The following EXOSC2 variants were observed in gnomAD, a reference collection of about 807,000 sequenced individuals.
The protein encoded by EXOSC2 is exosome component 2.
Under a neutral mutation model 37.6 loss-of-function variants are expected in EXOSC2, and 29 were observed. The ratio of observed to expected loss-of-function variants is 0.77; its 90% CI spans 0.57 to 1.05. The LOEUF (loss-of-function observed/expected upper bound fraction) is 1.05, where lower values mean the gene tolerates loss of function less well. Among genes scored for constraint, EXOSC2 ranks in the 50% least tolerant of loss-of-function variants. The pLI, the probability that EXOSC2 is intolerant of heterozygous loss-of-function variation, is 0.00. For synonymous variants in EXOSC2, 119 were observed against 131.1 expected, an observed-to-expected ratio of 0.91 and a Z score of 0.63; for missense variants, 346 against 365.6, an observed-to-expected ratio of 0.95 and a Z score of 0.44.
At chr9:130,695,648 G>C in intron 2 of EXOSC2, 55 bp downstream of exon 2, 1 of 1,507,162 alleles carries the variant, frequency 6.6e-7, no homozygotes, top group Admixed American at 1.7e-5. Flanking sequence ...GTACAACCAG[G>C]CTTTTCCTGC....
rs1228070021 is a variant in EXOSC2 at position 130,694,291 on chromosome 9, T to C, written c.122+378T>C. ...ACGGTGGGCGTTCTTGGCTGCCTCC[T>C]CTTCAGTTTAGAATCCGTAATTGTT... On this transcript the variant is annotated intron_variant, in intron 1 of 8. Coordinates refer to ENST00000372358, the MANE Select transcript of EXOSC2 (RefSeq NM_014285.7). The surrounding 1 kb of genome is among the most constrained non-coding windows in gnomAD (Gnocchi z 4.0). Among the ~76,000 whole-genome samples the C allele has an allele frequency of 6.6e-6, 1 of 152,112 alleles. No homozygotes were observed. Among genetic ancestry groups the C allele is most frequent in the African/African-American group, 2.4e-5 (1 of 41,418 alleles).
rs1175289362 is a variant in EXOSC2, at chr9:130,700,856, AC to A, written c.427-8del. 1 of 1,613,642 alleles carries A rather than the reference AC, an allele frequency of 6.2e-7. No individual in the cohort carries two copies. Among genetic ancestry groups the A allele is most frequent in the South Asian group, 1.1e-5 (1 of 91,046 alleles). Reference sequence around the variant, plus strand: ...CAAGGCTGCTGTTTGTTCCTTCATCACCCTGGCCAGGCTGAGGTCCAGGCAG... The same window carrying A: ...CAAGGCTGCTGTTTGTTCCTTCATCACCTGGCCAGGCTGAGGTCCAGGCAG... On this transcript the variant is annotated splice_polypyrimidine_tract_variant and intron_variant, in intron 5 of 8. Transcript: ENST00000372358.
chr9:130,695,345 G>C (rs1353736784), intron 1 of EXOSC2, 147 bp from the exon 2 acceptor site: 1 of 678,140 alleles, frequency 1.5e-6, no homozygotes, highest in Non-Finnish European at 2.7e-6. Flanking sequence ...TGGAGAAGGA[G>C]CACTGAAGGC....
At chr9:130,703,650 A>G in intron 8 of EXOSC2, 44 bp from the exon 9 acceptor site, 2 of 1,508,280 alleles carry the variant, frequency 1.3e-6, no homozygotes, top group South Asian at 1.2e-5. Context: ...TGGTCTGTTT[A>G]TGGTTGGTTT....
At position 130,703,725 on chromosome 9, in the gene EXOSC2, A is replaced by G. The variant is rs1261986083; in HGVS notation, c.833A>G (p.Glu278Gly). The G allele has an allele frequency of 3.1e-6, 5 of 1,613,830 alleles. No individual in the cohort carries two copies. In the South Asian group the frequency reaches 5.5e-5, roughly 18 times the overall value. ...GACATCTTAAAGCCAGAAATAATGG[A>G]GGAGATTGTGATGGAAACACGCCAG... ...IKDILKPEIM[E>G]EIVMETRQRL... Residue 278 changes from glutamate (E) to glycine (G), a missense_variant, in exon 9 of 9, where the codon GAG becomes GGG. By Grantham distance (98) the Glu-to-Gly change is moderately conservative (BLOSUM62 -2). Coordinates refer to ENST00000372358, the MANE Select transcript of EXOSC2 (RefSeq NM_014285.7).
chr9:130,695,343 G>C lies in EXOSC2; in HGVS notation c.123-149G>C. On this transcript the variant is annotated intron_variant, in intron 1 of 8. Coordinates refer to ENST00000372358, the MANE Select transcript of EXOSC2 (RefSeq NM_014285.7). Reference sequence around the variant, plus strand: ...ATGTCCAAGTAGCTGTCTGGAGAAGGAGCACTGAAGGCAGAGGGAGCAGCC... The same window carrying C: ...ATGTCCAAGTAGCTGTCTGGAGAAGCAGCACTGAAGGCAGAGGGAGCAGCC... 5 of 672,206 alleles carry C rather than the reference G, an allele frequency of 7.4e-6. No homozygotes were observed. The South Asian group carries it at 8.4e-5, about 11-fold the overall frequency. 41.6% of individuals were successfully genotyped at this position (672,206 alleles called of 1,614,324 possible). A position where few individuals can be genotyped will look rare whatever the true frequency, so the allele number is the denominator to read the frequency against.
chr9:130,700,720 G>A, intron 5 of EXOSC2, 147 bp from the exon 6 acceptor site: 1 of 653,846 alleles, frequency 1.5e-6, no homozygotes, highest in Non-Finnish European at 2.7e-6. Context: ...TAAGGTCACA[G>A]TGATGTGCTC....
At chr9:130,696,061 C>T (rs1393196754) in intron 2 of EXOSC2, among the ~76,000 whole-genome samples, 1 of 151,974 alleles carries the variant, frequency 6.6e-6, no homozygotes, top group Non-Finnish European at 1.5e-5. Flanking sequence ...CAGGGTTTCA[C>T]CATGTTGGCC....
intron 8 of EXOSC2, among the ~76,000 whole-genome samples, chr9:130,703,430 G>A (rs911451796): frequency 6.6e-6 from 1 of 152,178 alleles, no homozygotes; most frequent in Admixed American, 6.6e-5. Context: ...AGCAACCTCT[G>A]GACTACATCT....
chr9:130,700,981 G>A, intron 6 of EXOSC2, 46 bp downstream of exon 6: 1 of 1,592,562 alleles, frequency 6.3e-7, no homozygotes, highest in Non-Finnish European at 8.6e-7. Context: ...GAGACTACAA[G>A]GCTATTTTTG....
chr9:130,698,521 C>T lies in EXOSC2; in HGVS notation c.360+270C>T, dbSNP rs902357040. Among the ~76,000 whole-genome samples, 3 of 152,186 alleles carry T rather than the reference C, an allele frequency of 2.0e-5. No homozygotes were observed. The highest frequency in any genetic ancestry group is 7.2e-5 in the African/African-American group (3 of 41,442). ...AGTTGGGGAGAGAAGCCCTTAGATG[C>T]TGGTTGTTAACAGTTTTCCTTTTTG... On this transcript the variant is annotated intron_variant, in intron 4 of 8. Coordinates refer to ENST00000372358, the MANE Select transcript of EXOSC2 (RefSeq NM_014285.7). This position sits in a 1 kb window ranked among gnomAD's most constrained non-coding sequence, Gnocchi z 4.1.
In EXOSC2 at chr9:130,694,161, G is replaced by T. The variant is rs1274487325; in HGVS notation, c.122+248G>T. Among the ~76,000 whole-genome samples, 1 of 152,046 alleles carries T rather than the reference G, an allele frequency of 6.6e-6. No individual in the cohort carries two copies. Among genetic ancestry groups the T allele is most frequent in the Non-Finnish European group, 1.5e-5 (1 of 68,014 alleles). Reference sequence around the variant, plus strand: ...GACCTCCGGTGGCTGTGACTTTTGGGTCTTCTGCCTGAAGTCCAAATCTTT... The same window carrying T: ...GACCTCCGGTGGCTGTGACTTTTGGTTCTTCTGCCTGAAGTCCAAATCTTT... On this transcript the variant is annotated intron_variant, in intron 1 of 8. Coordinates refer to ENST00000372358, the MANE Select transcript of EXOSC2 (RefSeq NM_014285.7). The surrounding 1 kb of genome is among the most constrained non-coding windows in gnomAD (Gnocchi z 4.0).
intron 5 of EXOSC2, among the ~76,000 whole-genome samples, 193 bp from the exon 6 acceptor site, chr9:130,700,674 T>TA (rs924290909): frequency 2.7e-4 from 41 of 151,892 alleles, no homozygotes; most frequent in African/African-American, 4.6e-4. Context: ...TCTGTATTTT[T>TA]AAAAAAAAGA....
At chr9:130,693,773 G>A, upstream of EXOSC2, 6 of 1,596,354 alleles carry the variant, frequency 3.8e-6, 1 homozygote, top group South Asian at 3.3e-5. Context: ...CTGCGCCTGC[G>A]CAACTCATTG....
rs186517686 is a variant in EXOSC2 at position 130,700,361 on chromosome 9, A to T, written c.427-506A>T. Reference sequence around the variant, plus strand: ...TATTTATTTATTTATTTATTTATTTATTTATTTATTTTTTTGAGACGGAGT... The same window carrying T: ...TATTTATTTATTTATTTATTTATTTTTTTATTTATTTTTTTGAGACGGAGT... On this transcript the variant is annotated intron_variant, in intron 5 of 8. Transcript: ENST00000372358. Among the ~76,000 whole-genome samples the T allele has an allele frequency of 4.5e-3, 640 of 142,374 alleles. 6 individuals carry two copies. Among genetic ancestry groups the T allele is most frequent in the African/African-American group, 8.1e-3 (312 of 38,404 alleles). 93.4% of individuals were successfully genotyped at this position (142,374 alleles called of 152,430 possible).
intron 2 of EXOSC2, 148 bp downstream of exon 2, chr9:130,695,741 G>A (rs1413023133): frequency 6.1e-6 from 4 of 654,254 alleles, no homozygotes; most frequent in African/African-American, 1.8e-5. Context: ...AGGTGGGGTG[G>A]TGCAGATCAG....
Position 130,695,607 on chromosome 9 carries a change from G to A in EXOSC2, c.224+14G>A. On this transcript the variant is annotated intron_variant, in intron 2 of 8. Transcript: ENST00000372358. ...TTTGAAAACCAGGTGAGAACAAAAG[G>A]TGTGTATTCCCTTTCTTGCAGCATC... The A allele has an allele frequency of 6.2e-7, 1 of 1,611,292 alleles. No homozygotes were observed. The highest frequency in any genetic ancestry group is 1.1e-5 in the South Asian group (1 of 91,032).
chr9:130,696,035 C>A (rs1831087656), intron 2 of EXOSC2, among the ~76,000 whole-genome samples: 1 of 151,358 alleles, frequency 6.6e-6, no homozygotes, highest in South Asian at 2.1e-4. Context: ...TAATTTTTTT[C>A]GATTTTTAGT....
intron 3 of EXOSC2, 123 bp downstream of exon 3, chr9:130,697,750 C>A: frequency 1.1e-6 from 1 of 889,814 alleles, no homozygotes; most frequent in Non-Finnish European, 1.9e-6. Flanking sequence ...CGTTGTGTGG[C>A]TTCTGATGTA....
Sources: allele counts gnomAD v4.1 joint callset (sites outside exome capture counted in the v4.1 genomes callset), GRCh38; gene constraint gnomAD v4.1.1; non-coding constraint Gnocchi (gnomAD v3.1); transcripts MANE v1.5; gene names NCBI Gene and HGNC (gene_info 2026-07-23, HGNC 2026-07-21).